The following UBXN4 variants were observed in gnomAD, a reference collection of about 807,000 sequenced individuals.
UBXN4 encodes UBX domain protein 4.
A neutral mutation model predicts 66.2 loss-of-function variants in UBXN4; 35 were observed. That is an observed-to-expected ratio of 0.53 (90% CI 0.40 to 0.70). The LOEUF (loss-of-function observed/expected upper bound fraction) is 0.70. Ranked by LOEUF, UBXN4 falls within the 30% of genes least tolerant of loss-of-function variation. The pLI is 0.00. For synonymous variants in UBXN4, 203 were observed against 204.5 expected (o/e 0.99, Z 0.06); for missense variants, 533 against 599.8 (o/e 0.89, Z 1.16).
chr2:135,772,804 C>T (rs371524738), intron 9 of UBXN4, among the ~76,000 whole-genome samples: 4 of 151,336 alleles, frequency 2.6e-5, no homozygotes, highest in African/African-American at 7.3e-5. Flanking sequence ...TTTGGGAGGC[C>T]GAGACGGGCG....
chr2:135,778,133 C>T (rs2077429041), intron 10 of UBXN4, among the ~76,000 whole-genome samples: 1 of 147,938 alleles, frequency 6.8e-6, no homozygotes, highest in South Asian at 2.2e-4. Flanking sequence ...GCCAAGATCG[C>T]GCCACTGCAC....
intron 4 of UBXN4, among the ~76,000 whole-genome samples, chr2:135,754,650 CTG>C (rs2077268729): frequency 6.6e-6 from 1 of 152,024 alleles, no homozygotes; most frequent in Non-Finnish European, 1.5e-5. Flanking sequence ...TGGAGCCCCT[CTG>C]TATATTCAGG....
chr2:135,745,874 A>ATTTTTTTTTTT (rs1491420549), intron 1 of UBXN4, among the ~76,000 whole-genome samples: 3 of 13,904 alleles, frequency 2.2e-4, no homozygotes, highest in East Asian at 2.5e-3. Context: ...AGTCCCGTTT[A>ATTTTTTTTTTT]CTTTTTTTTT....
intron 12 of UBXN4, among the ~76,000 whole-genome samples, chr2:135,781,673 G>C (rs1196127063): frequency 6.6e-6 from 1 of 152,232 alleles, no homozygotes; most frequent in Non-Finnish European, 1.5e-5. Flanking sequence ...TGAGGACAGA[G>C]GGAAGCTCAA....
chr2:135,747,787 A>G (rs2077218417), intron 1 of UBXN4: 2 of 420,708 alleles, frequency 4.8e-6, no homozygotes, highest in African/African-American at 4.1e-5. Flanking sequence ...GGCATGCGCC[A>G]CCACACCTGG....
At chr2:135,765,658 T>C (rs1200281632) in intron 6 of UBXN4, among the ~76,000 whole-genome samples, 1 of 152,152 alleles carries the variant, frequency 6.6e-6, no homozygotes, top group African/African-American at 2.4e-5. Context: ...CTTTTTTTTT[T>C]TCTTCTGATT....
chr2:135,778,818 CT>C, intron 10 of UBXN4, 129 bp from the exon 11 acceptor site: 24 of 1,038,346 alleles, frequency 2.3e-5, no homozygotes, highest in East Asian at 2.9e-5. Flanking sequence ...AATTTTATAC[CT>C]TTTTTTGAGT....
chr2:135,770,674 G>C lies in UBXN4; in HGVS notation c.761G>C (p.Arg254Thr). The C allele has an allele frequency of 1.9e-6, 3 of 1,579,116 alleles. No homozygotes were observed. Among genetic ancestry groups the C allele is most frequent in the Non-Finnish European group, 2.6e-6 (3 of 1,170,164 alleles). Residue 254 changes from arginine to threonine, a missense_variant, in exon 8 of 13, where the codon AGA becomes ACA. Arg to Thr is a moderately conservative substitution (Grantham distance 71, BLOSUM62 -1). Transcript: ENST00000272638. ...TTAACAAAAAGAATGCTGGAGGAAA[G>C]AAACAGAGAGAAAGCAGAAGATAGG... is the stretch of plus-strand genomic sequence containing the variant. ...EELTKRMLEE[R>T]NREKAEDRAA...
intron 11 of UBXN4, 96 bp downstream of exon 11, chr2:135,779,175 AT>A (rs754734027): frequency 3.9e-6 from 5 of 1,267,928 alleles, no homozygotes; most frequent in Non-Finnish European, 5.2e-6. Context: ...GTGCACAGAT[AT>A]ACTGAAGGTA....
chr2:135,779,164 A>T (rs1211285891), intron 11 of UBXN4, 85 bp downstream of exon 11: 8 of 1,387,658 alleles, frequency 5.8e-6, no homozygotes, highest in African/African-American at 1.5e-5. Flanking sequence ...GGGGAAAGGA[A>T]GTGCACAGAT....
At chr2:135,762,570 C>T (rs1162094693) in intron 6 of UBXN4, among the ~76,000 whole-genome samples, 2 of 152,058 alleles carry the variant, frequency 1.3e-5, no homozygotes, top group Non-Finnish European at 2.9e-5. Context: ...TTTTCTTGTT[C>T]ACATAGATGC....
At chr2:135,753,672 C>A in intron 3 of UBXN4, 105 bp downstream of exon 3, 2 of 1,039,806 alleles carry the variant, frequency 1.9e-6, no homozygotes, top group Non-Finnish European at 2.7e-6. Flanking sequence ...GGAAATCATA[C>A]ATTCTTTTTT....
chr2:135,776,916 T>G (rs911169314), intron 10 of UBXN4, among the ~76,000 whole-genome samples: 2 of 152,184 alleles, frequency 1.3e-5, no homozygotes, highest in East Asian at 1.9e-4. Flanking sequence ...TTTCACTGAT[T>G]AGTAGACTCA....
At chr2:135,775,859 C>T (rs569741191) in intron 9 of UBXN4, among the ~76,000 whole-genome samples, 128 of 152,178 alleles carry the variant, frequency 8.4e-4, no homozygotes, top group African/African-American at 2.5e-3. Flanking sequence ...CTACACCTCC[C>T]GGGTTCAAGC....
Position 135,770,801 on chromosome 2 carries a change from C to T in UBXN4, c.822+66C>T, listed in dbSNP as rs141969383. The T allele has an allele frequency of 1.3e-4, 168 of 1,322,988 alleles. 2 individuals carry two copies. The African/African-American group carries it at 2.3e-3, about 18-fold the overall frequency. 82.0% of individuals were successfully genotyped at this position (1,322,988 alleles called of 1,614,324 possible). On this transcript the variant is annotated intron_variant, in intron 8 of 12. Transcript: ENST00000272638. ...TGTGCACAGTAGCTTTAGATTACTA[C>T]CAGACTGTGCACACAAAAATAGATT...
chr2:135,753,553 A>C lies in UBXN4; in HGVS notation c.200A>C (p.Gln67Pro). The C allele has an allele frequency of 6.5e-7, 1 of 1,529,622 alleles. No homozygotes were observed. The highest frequency in any genetic ancestry group is 8.7e-7 in the Non-Finnish European group (1 of 1,150,630). The allele number at this position is 1,529,622 out of a possible 1,614,324, so 94.8% of individuals were successfully genotyped here. The change falls in exon 3 of 13, where the codon CAG becomes CCG. Residue 67 changes from glutamine to proline, a missense_variant. Gln to Pro is a moderately conservative substitution (Grantham distance 76, BLOSUM62 -1). This residue lies in a region of UBXN4 where 529 missense variants were observed against 580.1 expected (regional missense o/e 0.91). Coordinates refer to ENST00000272638, the MANE Select transcript of UBXN4 (RefSeq NM_014607.4). The part of the protein sequence containing the change: ...KIDTKSEACL[Q>P]FSQIYPVVCV... ...TTGTTTTACAGTGAAGCCTGCCTAC[A>C]GTTTTCACAAATCTGTATCCTTTCA...
intron 6 of UBXN4, among the ~76,000 whole-genome samples, chr2:135,764,852 G>A (rs2077337767): frequency 6.7e-6 from 1 of 149,222 alleles, no homozygotes; most frequent in Non-Finnish European, 1.5e-5. Context: ...GTCTGGCTCT[G>A]TTGCCAGGCT....
chr2:135,756,940 C>G (rs947290541), intron 5 of UBXN4, among the ~76,000 whole-genome samples: 2 of 152,172 alleles, frequency 1.3e-5, no homozygotes, highest in Non-Finnish European at 2.9e-5. Flanking sequence ...ATTGTTCCCC[C>G]CTGTAAGGAG....
intron 6 of UBXN4, among the ~76,000 whole-genome samples, chr2:135,764,807 G>A (rs7576951): frequency 0.97 from 147,919 of 152,208 alleles, 71,995 homozygotes; most frequent in Non-Finnish European, 1. Context: ...CACCTCGCCT[G>A]TGATGGTTTT....
Sources: allele counts gnomAD v4.1 joint callset (sites outside exome capture counted in the v4.1 genomes callset), GRCh38; gene constraint gnomAD v4.1.1; regional missense constraint gnomAD v4.1.1; transcripts MANE v1.5; gene names NCBI Gene and HGNC (gene_info 2026-07-23, HGNC 2026-07-21).